Variants in EYS observed in about 807,000 individuals in gnomAD.
The protein encoded by EYS is EGF-like photoreceptor maintenance factor, also known as protein eyes shut homolog.
Under a neutral mutation model 282.1 loss-of-function variants are expected in EYS, and 250 were observed. The observed-to-expected ratio is 0.89, with a 90% CI of 0.80 to 0.98. The LOEUF is 0.98. EYS is among the 50% of genes least tolerant of loss of function. The pLI is 0.00. For synonymous variants in EYS, 1,355 were observed against 1,282.9 expected (o/e 1.06, Z -1.20); for missense variants, 4,016 against 3,709.0 (o/e 1.08, Z -2.15).
At chr6:65,296,748 G>A (rs570981678) in intron 11 of EYS, among the ~76,000 whole-genome samples, 63 of 151,438 alleles carry the variant, frequency 4.2e-4, no homozygotes, top group African/African-American at 1.4e-3. Flanking sequence ...TGCAAATTTC[G>A]ACGAGATTTT....
At position 65,268,149 on chromosome 6, in the gene EYS, T is replaced by G. The variant is rs924161095; in HGVS notation, c.2023+27714A>C. 1.4e-4 allele frequency among the ~76,000 whole-genome samples: 22 copies of G among 152,144 alleles called. No individual in the cohort carries two copies. In the East Asian group the frequency reaches 4.1e-3, roughly 28 times the overall value. On this transcript the variant is annotated intron_variant, in intron 12 of 42. Transcript: ENST00000503581. ...TCAGTTACACTTGAAACAATACCTA[T>G]GAAACACACACTGGTGTTTAGCAAT...
At chr6:64,341,528 G>A (rs11970101) in intron 29 of EYS, among the ~76,000 whole-genome samples, 4,713 of 151,680 alleles carry the variant, frequency 0.031, 224 homozygotes, top group African/African-American at 0.11. Context: ...AACAACAGGC[G>A]CTATGGACTA....
intron 2 of EYS, among the ~76,000 whole-genome samples, chr6:65,511,732 C>T (rs1469102778): frequency 6.6e-6 from 1 of 152,002 alleles, no homozygotes; most frequent in Non-Finnish European, 1.5e-5. Flanking sequence ...ACAGGGGGCT[C>T]ACTTGACGTC....
intron 29 of EYS, among the ~76,000 whole-genome samples, chr6:64,382,672 C>T (rs994785379): frequency 2.0e-5 from 3 of 152,186 alleles, no homozygotes; most frequent in African/African-American, 7.2e-5. Context: ...GAGACCGTTT[C>T]AAACTAGAAG....
chr6:64,388,667 T>C, intron 29 of EYS, 23 bp downstream of exon 29: 2 of 1,442,546 alleles, frequency 1.4e-6, no homozygotes, highest in Non-Finnish European at 1.8e-6. Flanking sequence ...ATAATTAATA[T>C]TTTAAAACAT....
chr6:65,091,793 T>C (rs1774576746), intron 12 of EYS, among the ~76,000 whole-genome samples: 1 of 152,098 alleles, frequency 6.6e-6, no homozygotes. Context: ...ATTACATTTA[T>C]GTAGCCATTC....
chr6:65,289,993 A>G lies in EYS; in HGVS notation c.2023+5870T>C, dbSNP rs151147041. Among the ~76,000 whole-genome samples the G allele has an allele frequency of 2.5e-3, 372 of 151,330 alleles. 6 individuals are homozygous for G. The East Asian group carries it at 0.052, about 21-fold the overall frequency. ...TTAGAAGTCTTTTCTTTCAAATGCC[A>G]TATTTACTCATAAATGGAAATGAAA... is the stretch of plus-strand genomic sequence containing the variant. On this transcript the variant is annotated intron_variant, in intron 12 of 42. Coordinates refer to ENST00000503581, the MANE Select transcript of EYS (RefSeq NM_001142800.2).
At chr6:64,091,066 C>A (rs540972166) in intron 31 of EYS, among the ~76,000 whole-genome samples, 1 of 152,216 alleles carries the variant, frequency 6.6e-6, no homozygotes, top group East Asian at 1.9e-4. Context: ...TCCCTAATTA[C>A]CCCATGTGAT....
At chr6:65,329,930 C>A in intron 11 of EYS, 1 of 977,814 alleles carries the variant, frequency 1.0e-6, no homozygotes, top group Non-Finnish European at 1.2e-6. Flanking sequence ...TTACTTATAA[C>A]TGAAAATTAT....
intron 35 of EYS, among the ~76,000 whole-genome samples, chr6:63,871,577 A>G (rs1304249286): frequency 1.3e-5 from 2 of 152,056 alleles, no homozygotes; most frequent in African/African-American, 2.4e-5. Context: ...TGGGAGAATC[A>G]CTGGAACCCA....
At chr6:64,965,813 CAG>C (rs1384500880) in intron 14 of EYS, among the ~76,000 whole-genome samples, 2 of 152,004 alleles carry the variant, frequency 1.3e-5, no homozygotes, top group African/African-American at 2.4e-5. Flanking sequence ...TTACTGAAAA[CAG>C]AATATATTTT....
Position 64,618,082 on chromosome 6 carries a change from T to C in EYS, c.3569-549A>G, listed in dbSNP as rs141201644. 7.9e-3 allele frequency among the ~76,000 whole-genome samples: 1,206 copies of C among 152,288 alleles called. 27 individuals are homozygous for C. The highest frequency in any genetic ancestry group is 0.027 in the African/African-American group (1,127 of 41,576). On this transcript the variant is annotated intron_variant, in intron 23 of 42. Transcript: ENST00000503581. ...TATTGTGTCTACGTACATTTGGCCATTGGCTGTAAGAATTCTCATTAAACA... is the reference window on the plus strand; with the variant it reads ...TATTGTGTCTACGTACATTTGGCCACTGGCTGTAAGAATTCTCATTAAACA...
intron 33 of EYS, among the ~76,000 whole-genome samples, chr6:64,054,727 C>T (rs1186200741): frequency 6.6e-6 from 1 of 152,064 alleles, no homozygotes; most frequent in Non-Finnish European, 1.5e-5. Context: ...TACCTAATTT[C>T]CTTAAGTCCC....
At chr6:64,078,624 CTAGAG>C (rs891383646) in intron 32 of EYS, among the ~76,000 whole-genome samples, 23 of 151,998 alleles carry the variant, frequency 1.5e-4, no homozygotes, top group African/African-American at 3.4e-4. Flanking sequence ...CTGAAACTCT[CTAGAG>C]TAAACAGCTT....
In EYS at chr6:64,640,686, T is replaced by C. The variant is rs188917441; in HGVS notation, c.3444-14441A>G. The stretch of plus-strand genomic sequence containing the variant: ...TATACATATGTAACTAACCTGCACA[T>C]TGTGCACATGTACCCTAAAACTTAA... On this transcript the variant is annotated intron_variant, in intron 22 of 42. Transcript: ENST00000503581. Among the ~76,000 whole-genome samples, 194 of 152,212 alleles carry C rather than the reference T, an allele frequency of 1.3e-3. 2 individuals are homozygous for C. Among genetic ancestry groups the C allele is most frequent in the African/African-American group, 4.4e-3 (181 of 41,534 alleles).
At chr6:65,338,617 T>TTA (rs1770082272) in intron 10 of EYS, among the ~76,000 whole-genome samples, 1 of 150,994 alleles carries the variant, frequency 6.6e-6, no homozygotes, top group Non-Finnish European at 1.5e-5. Flanking sequence ...CACAAAAACC[T>TTA]CAATATTACA....
rs1171979351 is a variant in EYS, at chr6:65,057,622, G to T, written c.2129C>A (p.Pro710Gln). 6.5e-7 allele frequency: 1 copy of T among 1,544,290 alleles called. No homozygotes were observed. The highest frequency in any genetic ancestry group is 8.8e-7 in the Non-Finnish European group (1 of 1,140,460). ...PGNYFCQCVP[P>Q]FKVVDGFSCL... ...CCCTTGGTGTTCATTACCTTTAAATGGAGGCACACACTGGCAGAAGTAATT... is the reference window on the plus strand; with the variant it reads ...CCCTTGGTGTTCATTACCTTTAAATTGAGGCACACACTGGCAGAAGTAATT... Residue 710 changes from proline to glutamine, a missense_variant, in exon 13 of 43, where the codon CCA (proline) becomes CAA (glutamine). Pro to Gln is a moderately conservative substitution (Grantham distance 76). Transcript: ENST00000503581.
chr6:65,675,366 A>G (rs1487850664), intron 1 of EYS, among the ~76,000 whole-genome samples: 2 of 152,026 alleles, frequency 1.3e-5, no homozygotes, highest in East Asian at 3.9e-4. Context: ...TAAGCACCCT[A>G]CAAGAGACTC....
intron 26 of EYS, among the ~76,000 whole-genome samples, chr6:64,524,338 C>T (rs1777849864): frequency 6.6e-6 from 1 of 151,602 alleles, no homozygotes; most frequent in South Asian, 2.1e-4. Context: ...ATTAAAATGT[C>T]TTATAAATTT....
Sources: allele counts gnomAD v4.1 joint callset (sites outside exome capture counted in the v4.1 genomes callset), GRCh38; gene constraint gnomAD v4.1.1; transcripts MANE v1.5; gene names NCBI Gene and HGNC (gene_info 2026-07-23, HGNC 2026-07-21).